TMEM266: variants seen among roughly 807,000 people sequenced by gnomAD.
TMEM266 encodes the protein transmembrane protein 266.
A neutral mutation model predicts 50.5 loss-of-function variants in TMEM266; 33 were observed. The ratio of observed to expected loss-of-function variants is 0.65; its 90% CI spans 0.50 to 0.87. The LOEUF (loss-of-function observed/expected upper bound fraction) is 0.87, where lower values mean the gene tolerates loss of function less well. Among genes scored for constraint, TMEM266 ranks in the 40% least tolerant of loss-of-function variants. The pLI is 0.00. For missense variants in TMEM266, 655 were observed against 695.1 expected (o/e 0.94, Z 0.65); for synonymous variants, 310 against 292.3 (o/e 1.06, Z -0.62).
chr15:76,133,209 G>A (rs373682425), intron 1 of TMEM266, among the ~76,000 whole-genome samples: 9 of 152,004 alleles, frequency 5.9e-5, no homozygotes, highest in South Asian at 2.1e-4. Flanking sequence ...CGAGGCGGGC[G>A]GATCACCTGA....
chr15:76,124,002 C>T (rs1188756736), intron 1 of TMEM266, among the ~76,000 whole-genome samples: 2 of 152,296 alleles, frequency 1.3e-5, no homozygotes, highest in Admixed American at 6.5e-5. Context: ...CGTGAGCCAC[C>T]GTGTCCGGTC....
At chr15:76,194,821 C>A (rs560153688) in intron 9 of TMEM266, among the ~76,000 whole-genome samples, 1 of 152,182 alleles carries the variant, frequency 6.6e-6, no homozygotes, top group Admixed American at 6.5e-5. Context: ...CTCATCTTAA[C>A]TAATGACATC....
intron 7 of TMEM266, among the ~76,000 whole-genome samples, chr15:76,174,112 C>T (rs1223200579): frequency 6.6e-6 from 1 of 152,144 alleles, no homozygotes; most frequent in Non-Finnish European, 1.5e-5. Flanking sequence ...AAGATGGCTG[C>T]TTCCGTGCCA....
At chr15:76,075,777 G>T (rs1410654911) in intron 1 of TMEM266, among the ~76,000 whole-genome samples, 1 of 146,348 alleles carries the variant, frequency 6.8e-6, no homozygotes, top group Non-Finnish European at 1.5e-5. Context: ...TTAAATTGGG[G>T]CTGTATTTTA....
Position 76,204,475 on chromosome 15 carries a change from A to C in TMEM266, c.*160A>C, listed in dbSNP as rs1193550820. ...GGAGGCGACGCCAGGCCAGGAGGCC[A>C]CAAGCTTCAGACCTCAAAGCCCAGA... On this transcript the variant is annotated 3_prime_UTR_variant, in exon 11 of 11. Transcript: ENST00000388942. The C allele has an allele frequency of 4.7e-6, 3 of 635,088 alleles. No individual in the cohort carries two copies. In the East Asian group the frequency reaches 8.4e-5, roughly 18 times the overall value. The allele number at this position is 635,088 out of a possible 1,614,324, so 39.3% of individuals were successfully genotyped here. A position where few individuals can be genotyped will look rare whatever the true frequency, so the allele number is the denominator to read the frequency against.
intron 8 of TMEM266, among the ~76,000 whole-genome samples, chr15:76,187,592 A>T (rs911906112): frequency 1.3e-5 from 2 of 152,038 alleles, no homozygotes; most frequent in African/African-American, 2.4e-5. Flanking sequence ...TCGCTTTCTC[A>T]CTCTGTGAGC....
rs1397982725 is a variant in TMEM266, at chr15:76,160,468, G to A, written c.456+300G>A. ...TGGTGAAGGTGAGACTGAATGTGGC[G>A]TCGAGGGGCAGCCAGTGTTGGGTGC... On this transcript the variant is annotated intron_variant, in intron 5 of 10. Coordinates refer to ENST00000388942, the MANE Select transcript of TMEM266 (RefSeq NM_152335.3). The surrounding 1 kb of genome is among the most constrained non-coding windows in gnomAD (Gnocchi z 5.7). Among the ~76,000 whole-genome samples the A allele has an allele frequency of 3.3e-5, 5 of 152,202 alleles. No individual in the cohort carries two copies. The highest frequency in any genetic ancestry group is 4.8e-5 in the African/African-American group (2 of 41,444).
At chr15:76,184,580 TA>T (rs1596161963) in intron 8 of TMEM266, among the ~76,000 whole-genome samples, 1 of 152,370 alleles carries the variant, frequency 6.6e-6, no homozygotes, top group East Asian at 1.9e-4. Flanking sequence ...ACAGCACTAA[TA>T]GGATGGAGCA....
At chr15:76,131,734 CA>C (rs1445006818) in intron 1 of TMEM266, among the ~76,000 whole-genome samples, 2 of 152,196 alleles carry the variant, frequency 1.3e-5, no homozygotes, top group African/African-American at 4.8e-5. Context: ...GATGTGGTTA[CA>C]AAACATCTGT....
intron 10 of TMEM266, among the ~76,000 whole-genome samples, chr15:76,202,599 C>T (rs1596176779): frequency 6.6e-6 from 1 of 152,138 alleles, no homozygotes; most frequent in East Asian, 1.9e-4. Flanking sequence ...TCAAGGTGGG[C>T]ACAGTGGAGG....
chr15:76,067,082 T>A (rs533533138), intron 1 of TMEM266, among the ~76,000 whole-genome samples: 10 of 152,078 alleles, frequency 6.6e-5, no homozygotes, highest in Non-Finnish European at 1.0e-4. Flanking sequence ...CTCCATAGGA[T>A]CAATACAGAA....
intron 1 of TMEM266, among the ~76,000 whole-genome samples, chr15:76,108,066 C>A (rs900271050): frequency 1.7e-4 from 26 of 152,354 alleles, no homozygotes; most frequent in Admixed American, 1.6e-3. Context: ...CTGAGCCTGG[C>A]TACGTGAGGC....
intron 1 of TMEM266, among the ~76,000 whole-genome samples, chr15:76,095,990 A>G (rs906021358): frequency 2.0e-5 from 3 of 151,810 alleles, no homozygotes; most frequent in South Asian, 2.1e-4. Context: ...TATTGCATCT[A>G]TTTGATTCTT....
intron 6 of TMEM266, among the ~76,000 whole-genome samples, chr15:76,170,733 C>T (rs1288222063): frequency 6.6e-6 from 1 of 152,194 alleles, no homozygotes; most frequent in East Asian, 1.9e-4. Flanking sequence ...AGGGGCAAGA[C>T]AGCCCAAGGC....
At chr15:76,133,956 C>T (rs1169097665) in intron 1 of TMEM266, among the ~76,000 whole-genome samples, 1 of 152,076 alleles carries the variant, frequency 6.6e-6, no homozygotes, top group Non-Finnish European at 1.5e-5. Context: ...ACAAAAAAGT[C>T]ATTTTGTCAC....
chr15:76,159,669 G>A (rs906932955), intron 4 of TMEM266, among the ~76,000 whole-genome samples: 1 of 152,172 alleles, frequency 6.6e-6, no homozygotes, highest in East Asian at 1.9e-4. Flanking sequence ...CAGCACTTTG[G>A]GGGTGAGCTG....
chr15:76,189,474 T>G (rs1420963115), intron 8 of TMEM266, among the ~76,000 whole-genome samples: 2 of 152,090 alleles, frequency 1.3e-5, no homozygotes, highest in Non-Finnish European at 2.9e-5. Context: ...AAATGAAGAC[T>G]AGACAAGAAA....
At chr15:76,093,981 A>C (rs1334493295) in intron 1 of TMEM266, among the ~76,000 whole-genome samples, 1 of 151,784 alleles carries the variant, frequency 6.6e-6, no homozygotes, top group Non-Finnish European at 1.5e-5. Context: ...TTTCTTGTAA[A>C]TTTGTTTAAG....
intron 7 of TMEM266, among the ~76,000 whole-genome samples, chr15:76,174,599 C>T (rs1220156167): frequency 1.3e-5 from 2 of 152,138 alleles, no homozygotes; most frequent in Non-Finnish European, 2.9e-5. Flanking sequence ...AGTTCTGCAG[C>T]CATCACCAAA....
Sources: gnomAD v4.1 joint callset for allele counts (sites outside exome capture counted in the v4.1 genomes callset) on GRCh38, gnomAD v4.1.1 for gene constraint, Gnocchi (gnomAD v3.1) non-coding constraint, MANE v1.5 for transcripts, NCBI Gene and HGNC (gene_info 2026-07-23, HGNC 2026-07-21) for gene names.